SLC9B2: variants seen among roughly 807,000 people sequenced by gnomAD.
The protein encoded by SLC9B2 is solute carrier family 9 member B2, also known as sodium/hydrogen exchanger 9B2.
A neutral mutation model predicts 52.2 loss-of-function variants in SLC9B2; 39 were observed. That is an observed-to-expected ratio of 0.75 (90% CI 0.58 to 0.98). SLC9B2 has a LOEUF of 0.98. Ranked by LOEUF, SLC9B2 falls within the 50% of genes least tolerant of loss-of-function variation. The pLI is 0.00. For synonymous variants in SLC9B2, 214 were observed against 227.0 expected (o/e 0.94, Z 0.51); for missense variants, 626 against 637.5 (o/e 0.98, Z 0.19).
At chr4:103,061,605 C>A (rs1255059594) in intron 3 of SLC9B2, among the ~76,000 whole-genome samples, 1 of 152,064 alleles carries the variant, frequency 6.6e-6, no homozygotes, top group Non-Finnish European at 1.5e-5. Flanking sequence ...CACATGTATA[C>A]ATATGTATCA....
At position 103,043,415 on chromosome 4, in the gene SLC9B2, CAAGG is replaced by C; in HGVS notation, c.1023_1026del (p.Phe341LeufsTer8). ...ACAGCTAGCACAGACAACCCCAACA[CAAGG>C]AATGTTCTCTTACACACAAGTTTGT... On this transcript the variant is annotated frameshift_variant, in exon 9 of 12. Coordinates refer to ENST00000394785, the MANE Select transcript of SLC9B2 (RefSeq NM_178833.7). The C allele has an allele frequency of 6.2e-7, 1 of 1,611,612 alleles. No individual in the cohort carries two copies. The highest frequency in any genetic ancestry group is 2.2e-5 in the East Asian group (1 of 44,816).
chr4:103,055,678 T>C (rs1213061630), intron 4 of SLC9B2, among the ~76,000 whole-genome samples: 1 of 150,996 alleles, frequency 6.6e-6, no homozygotes, highest in Non-Finnish European at 1.5e-5. Flanking sequence ...GTTCAGGAAA[T>C]GTGTGTAAAT....
chr4:103,019,733 G>T (rs2110554498), downstream of SLC9B2: 1 of 985,616 alleles, frequency 1.0e-6, no homozygotes, highest in African/African-American at 1.7e-5. Context: ...CAGGGGCGGG[G>T]CGGGGCGAGG....
At chr4:103,043,905 T>G (rs1217680509) in intron 8 of SLC9B2, among the ~76,000 whole-genome samples, 1 of 152,202 alleles carries the variant, frequency 6.6e-6, no homozygotes, top group Non-Finnish European at 1.5e-5. Flanking sequence ...TGTTTACTGT[T>G]TTAAATTTGA....
At position 103,024,957 on chromosome 4, in the gene SLC9B2, G is replaced by C. The variant is rs1272368277; in HGVS notation, c.*1413C>G. Among the ~76,000 whole-genome samples, 1 of 152,176 alleles carries C rather than the reference G, an allele frequency of 6.6e-6. No homozygotes were observed. The highest frequency in any genetic ancestry group is 1.5e-5 in the Non-Finnish European group (1 of 68,028). ...CATAGAAGTCACTCTTTTGGTTTAAGGCAATGTCTTTCAAAAGCTTTTGTT... is the reference window on the plus strand; with the variant it reads ...CATAGAAGTCACTCTTTTGGTTTAACGCAATGTCTTTCAAAAGCTTTTGTT... On this transcript the variant is annotated 3_prime_UTR_variant, in exon 12 of 12. Transcript: ENST00000394785.
intron 9 of SLC9B2, among the ~76,000 whole-genome samples, chr4:103,032,379 C>T (rs1742787186): frequency 6.6e-6 from 1 of 151,994 alleles, no homozygotes; most frequent in Non-Finnish European, 1.5e-5. Context: ...AAATAAAATC[C>T]AGGTTTACTA....
At position 103,028,745 on chromosome 4, in the gene SLC9B2, ACCTGAACTGTGG is replaced by A. The variant is rs1435176862; in HGVS notation, c.1382_1392+1del. The A allele has an allele frequency of 2.5e-6, 4 of 1,607,752 alleles. No individual in the cohort carries two copies. Among genetic ancestry groups the A allele is most frequent in the Admixed American group, 1.7e-5 (1 of 58,388 alleles). ...AATGCTAAGCCATCCTATCCATCAT[ACCTGAACTGTGG>A]CCTTTGGAAGCCATGCAAAAGAAAT... On this transcript the variant is annotated splice_donor_variant and coding_sequence_variant, in exon 11 of 12. Transcript: ENST00000394785.
chr4:103,052,339 C>T (rs1196156925), intron 4 of SLC9B2, among the ~76,000 whole-genome samples: 1 of 152,214 alleles, frequency 6.6e-6, no homozygotes, highest in Non-Finnish European at 1.5e-5. Context: ...GTAATGCTCG[C>T]TCACCTCCTG....
intron 3 of SLC9B2, among the ~76,000 whole-genome samples, chr4:103,065,219 GTATATTGGGTGATA>G (rs376137832): frequency 7.3e-4 from 108 of 147,708 alleles, no homozygotes; most frequent in African/African-American, 2.5e-3. Flanking sequence ...TATAACTCAA[GTATATTGGGTGATA>G]TATATTGGGT....
At chr4:103,076,108 G>A (rs918238565) in intron 1 of SLC9B2, 76 bp downstream of exon 1, 1 of 152,278 alleles carries the variant, frequency 6.6e-6, no homozygotes, top group Non-Finnish European at 1.5e-5. Context: ...TCGCGTCTCC[G>A]GTCCAGCAGG....
In SLC9B2 at chr4:103,067,462, T is replaced by C. The variant is rs752892618; in HGVS notation, c.89A>G (p.Gln30Arg). Residue 30 changes from glutamine to arginine, a missense_variant and splice_region_variant, in exon 2 of 12, where the codon CAG becomes CGG. Coordinates refer to ENST00000394785, the MANE Select transcript of SLC9B2 (RefSeq NM_178833.7). ...AATTCTATCACAGCTTAGATTTACC[T>C]GTGCTTCTTGATGCATGGAGGGCGT... ...NYTPSMHQEA[Q>R]EETVMKLKGI... 1.9e-6 allele frequency: 3 copies of C among 1,612,026 alleles called. No individual in the cohort carries two copies. The highest frequency in any genetic ancestry group is 4.5e-5 in the East Asian group (2 of 44,836).
chr4:103,021,341 A>G (rs13150953), downstream of SLC9B2, among the ~76,000 whole-genome samples: 57,754 of 151,858 alleles, frequency 0.38, 11,056 homozygotes, highest in African/African-American at 0.45. Context: ...TATAAATATA[A>G]TATTACGTAC....
chr4:103,036,342 G>A (rs977943128), intron 9 of SLC9B2, among the ~76,000 whole-genome samples: 9 of 152,186 alleles, frequency 5.9e-5, no homozygotes, highest in African/African-American at 2.2e-4. Flanking sequence ...GGGACACAAA[G>A]AAGGGCATGA....
chr4:103,019,527 A>T (rs1188248185), downstream of SLC9B2: 10 of 968,222 alleles, frequency 1.0e-5, no homozygotes, highest in Non-Finnish European at 1.2e-5. Context: ...TACCGCAAGG[A>T]AACGATCGCG....
intron 4 of SLC9B2, among the ~76,000 whole-genome samples, chr4:103,053,148 G>A (rs1290214214): frequency 6.6e-6 from 1 of 151,668 alleles, no homozygotes; most frequent in Non-Finnish European, 1.5e-5. Context: ...TTTCAATAAT[G>A]ATTTTTCTTC....
chr4:103,051,503 G>GT (rs2110623628), intron 4 of SLC9B2, among the ~76,000 whole-genome samples: 1 of 148,484 alleles, frequency 6.7e-6, no homozygotes, highest in Non-Finnish European at 1.5e-5. Flanking sequence ...GGAAAGTCTC[G>GT]TAAGTTCTGA....
intron 1 of SLC9B2, among the ~76,000 whole-genome samples, chr4:103,069,318 C>T (rs1217017688): frequency 1.3e-5 from 2 of 152,100 alleles, no homozygotes; most frequent in Non-Finnish European, 2.9e-5. Context: ...TATCTCAAAC[C>T]ACGGCACTTG....
intron 4 of SLC9B2, among the ~76,000 whole-genome samples, chr4:103,053,877 G>T (rs1744898468): frequency 6.6e-6 from 1 of 152,042 alleles, no homozygotes; most frequent in South Asian, 2.1e-4. Flanking sequence ...CTAATTTTTT[G>T]TATTTTTAGT....
chr4:103,047,108 C>T lies in SLC9B2; in HGVS notation c.832G>A (p.Asp278Asn), dbSNP rs775214081. ...AAGCCAGTGATGGCCAGAATGTCATCGAAGCTGCCAGCTGCCATGAGCAAG... is the reference window on the plus strand; with the variant it reads ...AAGCCAGTGATGGCCAGAATGTCATTGAAGCTGCCAGCTGCCATGAGCAAG... Reference protein sequence around the residue: ...PTLLMAAGSFDDILAITGFNT... With the variant: ...PTLLMAAGSFNDILAITGFNT... The change falls in exon 7 of 12, where the codon GAT (aspartate) becomes AAT (asparagine). Residue 278 changes from aspartate (D) to asparagine (N), a missense_variant. Asp to Asn is a conservative substitution (Grantham distance 23). Transcript: ENST00000394785. 8.7e-6 allele frequency: 14 copies of T among 1,614,024 alleles called. No individual in the cohort carries two copies. In the South Asian group the frequency reaches 1.3e-4, roughly 15 times the overall value.
Sources: allele counts gnomAD v4.1 joint callset (sites outside exome capture counted in the v4.1 genomes callset), GRCh38; gene constraint gnomAD v4.1.1; transcripts MANE v1.5; gene names NCBI Gene and HGNC (gene_info 2026-07-23, HGNC 2026-07-21).